Variants in ARHGEF4 observed in about 807,000 individuals in gnomAD.
ARHGEF4 encodes the protein Rho guanine nucleotide exchange factor 4, also known as APC-stimulated guanine nucleotide exchange factor 1.
Under a neutral mutation model 162.0 loss-of-function variants are expected in ARHGEF4, and 119 were observed. The ratio of observed to expected loss-of-function variants is 0.73; its 90% CI spans 0.63 to 0.86. The LOEUF is 0.86. Ranked by LOEUF, ARHGEF4 falls within the 40% of genes least tolerant of loss-of-function variation. The pLI is 0.00. For missense variants in ARHGEF4, 2,488 were observed against 2,456.0 expected (o/e 1.01, Z -0.28); for synonymous variants, 1,014 against 979.9 (o/e 1.03, Z -0.65).
intron 1 of ARHGEF4, among the ~76,000 whole-genome samples, chr2:130,913,752 G>C (rs1361800788): frequency 3.9e-5 from 6 of 152,186 alleles, no homozygotes; most frequent in African/African-American, 1.4e-4. Flanking sequence ...TTTTAATGGG[G>C]TTGTTTTAAG....
intron 2 of ARHGEF4, among the ~76,000 whole-genome samples, chr2:130,928,109 G>A (rs1006141329): frequency 6.6e-6 from 1 of 152,096 alleles, no homozygotes; most frequent in African/African-American, 2.4e-5. Flanking sequence ...ATCTTTGGGT[G>A]AATTTCATAT....
chr2:130,897,957 G>A (rs556857152), intron 1 of ARHGEF4, among the ~76,000 whole-genome samples: 1 of 152,274 alleles, frequency 6.6e-6, no homozygotes, highest in African/African-American at 2.4e-5. Flanking sequence ...TGCTTTTTAG[G>A]TTTAAGCAAC....
Position 131,012,335 on chromosome 2 carries a change from G to A in ARHGEF4, c.3986-15610G>A, listed in dbSNP as rs572804857. ...GCCTAGGAGGCACTTAGAGTGGCAC[G>A]GGGCAGGTGTCACTTCTTTGCCTAG... On this transcript the variant is annotated intron_variant, in intron 4 of 13. Coordinates refer to ENST00000409359, the MANE Select transcript of ARHGEF4 (RefSeq NM_001367493.1). Among the ~76,000 whole-genome samples the A allele has an allele frequency of 9.2e-5, 14 of 152,240 alleles. No individual in the cohort carries two copies. In the East Asian group the frequency reaches 1.7e-3, roughly 19 times the overall value.
intron 2 of ARHGEF4, among the ~76,000 whole-genome samples, chr2:130,922,622 C>T (rs1476783795): frequency 6.6e-6 from 1 of 152,178 alleles, no homozygotes; most frequent in Non-Finnish European, 1.5e-5. Flanking sequence ...CATTTTATGA[C>T]TCCTCAGAGT....
chr2:131,041,093 C>G (rs1281075760), intron 8 of ARHGEF4, 137 bp from the exon 9 acceptor site: 6 of 723,812 alleles, frequency 8.3e-6, no homozygotes, highest in Non-Finnish European at 1.4e-5. Flanking sequence ...GAAATAGGTA[C>G]ACACAGCCTG....
At chr2:130,955,767 G>T (rs1179245662) in intron 4 of ARHGEF4, among the ~76,000 whole-genome samples, 1 of 152,174 alleles carries the variant, frequency 6.6e-6, no homozygotes, top group East Asian at 1.9e-4. Context: ...TCCTAGAAGG[G>T]CTCCTCCCAG....
Position 130,914,078 on chromosome 2 carries a change from G to A in ARHGEF4, c.132G>A (p.Trp44Ter). 3 of 1,536,142 alleles carry A rather than the reference G, an allele frequency of 2.0e-6. No homozygotes were observed. Among genetic ancestry groups the A allele is most frequent in the Non-Finnish European group, 2.6e-6 (3 of 1,146,912 alleles). Residue 44 changes from tryptophan to a stop codon, truncating the protein, a stop_gained, in exon 2 of 14, where the codon TGG becomes TGA. Transcript: ENST00000409359. LOFTEE classifies it high-confidence loss of function. Reference sequence around the variant, plus strand: ...CTGCAGAACAAGTGGAGCAGGGATGGAACCAGCAAACAGACCGCGATGATT... The same window carrying A: ...CTGCAGAACAAGTGGAGCAGGGATGAAACCAGCAAACAGACCGCGATGATT... ...TSPAEQVEQG[W>*]NQQTDRDDSE...
intron 2 of ARHGEF4, among the ~76,000 whole-genome samples, chr2:130,920,538 CT>C (rs201060501): frequency 0.037 from 5,580 of 152,252 alleles, 120 homozygotes; most frequent in Middle Eastern, 0.078. Flanking sequence ...GGAAGCAAAG[CT>C]CAGAAAGGTT....
chr2:130,913,114 T>G (rs1204908231), intron 1 of ARHGEF4, among the ~76,000 whole-genome samples: 2 of 152,094 alleles, frequency 1.3e-5, no homozygotes, highest in African/African-American at 2.4e-5. Context: ...ATATCCCCTG[T>G]GGATAAGGGT....
At chr2:130,890,707 C>A (rs141941447) in intron 1 of ARHGEF4, among the ~76,000 whole-genome samples, 1 of 152,050 alleles carries the variant, frequency 6.6e-6, no homozygotes, top group Non-Finnish European at 1.5e-5. Context: ...AGCCTTTTAT[C>A]GGAGTTTAAA....
chr2:131,006,274 T>A (rs1688108001), intron 4 of ARHGEF4, among the ~76,000 whole-genome samples: 1 of 152,148 alleles, frequency 6.6e-6, no homozygotes, highest in Admixed American at 6.5e-5. Context: ...TAATTTAGGC[T>A]CTCTGTGACT....
At chr2:131,013,637 G>T (rs1688609813) in intron 4 of ARHGEF4, among the ~76,000 whole-genome samples, 2 of 152,164 alleles carry the variant, frequency 1.3e-5, no homozygotes, top group African/African-American at 4.8e-5. Context: ...GTCTTGCTCT[G>T]TTGCCCAGAC....
intron 4 of ARHGEF4, among the ~76,000 whole-genome samples, chr2:130,985,950 G>A (rs1686459501): frequency 1.4e-5 from 2 of 144,472 alleles, no homozygotes; most frequent in Admixed American, 6.9e-5. Flanking sequence ...GTTGAGTGTT[G>A]TGTGTGTGTG....
At chr2:130,983,490 A>G (rs1328784123) in intron 4 of ARHGEF4, among the ~76,000 whole-genome samples, 1 of 152,210 alleles carries the variant, frequency 6.6e-6, no homozygotes, top group Non-Finnish European at 1.5e-5. Context: ...CCAGACAAAA[A>G]TATATGCTGA....
Position 130,914,909 on chromosome 2 carries a change from G to A in ARHGEF4, c.963G>A (p.Arg321=), listed in dbSNP as rs1407741655. 3 of 1,520,532 alleles carry A rather than the reference G, an allele frequency of 2.0e-6. No individual in the cohort carries two copies. The highest frequency in any genetic ancestry group is 2.8e-5 in the African/African-American group (2 of 72,362). The allele number at this position is 1,520,532 out of a possible 1,614,324, so 94.2% of individuals were successfully genotyped here. ...SAPETTGDKN[R]ASPRLNCGHM... is the part of the protein sequence containing the mutation. ...CAGAAACTACTGGTGACAAGAACAG[G>A]GCATCCCCCAGACTCAACTGTGGGC... The change falls in exon 2 of 14, where the codon AGG becomes AGA. Residue 321 remains arginine (R), a synonymous_variant. Transcript: ENST00000409359.
At position 130,916,789 on chromosome 2, in the gene ARHGEF4, G is replaced by C. The variant is rs1296923420; in HGVS notation, c.2843G>C (p.Arg948Pro). 6.4e-7 allele frequency: 1 copy of C among 1,550,476 alleles called. No individual in the cohort carries two copies. Among genetic ancestry groups the C allele is most frequent in the African/African-American group, 1.4e-5 (1 of 73,134 alleles). Residue 948 changes from arginine to proline, a missense_variant, in exon 2 of 14, where the codon CGC (arginine) becomes CCC (proline). Arg to Pro is a moderately radical substitution (Grantham distance 103, BLOSUM62 -2). Coordinates refer to ENST00000409359, the MANE Select transcript of ARHGEF4 (RefSeq NM_001367493.1). ...GGCGAGAAGGAGAAGAGCAGGCTGC[G>C]CCAGGGTTCCTGGCGGGCGTTTCTG... is the stretch of plus-strand genomic sequence containing the variant. ...PKGEKEKSRL[R>P]QGSWRAFLKS...
rs1219581227 is a variant in ARHGEF4, at chr2:130,875,626, G to T, written c.40-38360G>T. 3.9e-5 allele frequency among the ~76,000 whole-genome samples: 6 copies of T among 152,170 alleles called. No individual in the cohort carries two copies. In the South Asian group the frequency reaches 1.2e-3, roughly 31 times the overall value. On this transcript the variant is annotated intron_variant, in intron 1 of 13. Transcript: ENST00000409359. Reference sequence around the variant, plus strand: ...GGAGAATTAACCTAGTCCCTCTAGAGCAGCATTAATCCCCCCGATGATCAA... The same window carrying T: ...GGAGAATTAACCTAGTCCCTCTAGATCAGCATTAATCCCCCCGATGATCAA...
In ARHGEF4 at chr2:130,915,965, C is replaced by T; in HGVS notation, c.2019C>T (p.Thr673=). 1 of 1,550,540 alleles carries T rather than the reference C, an allele frequency of 6.4e-7. No individual in the cohort carries two copies. The highest frequency in any genetic ancestry group is 8.7e-7 in the Non-Finnish European group (1 of 1,146,982). ...AATCTCCCTTGAGCACTGGCGAGAC[C>T]CCCTGTGAGTCTCCCACTAGGGGGA... ...RPESPLSTGE[T]PCESPTRGKT... is the part of the protein sequence containing the mutation. Residue 673 remains threonine (T), a synonymous_variant, in exon 2 of 14, where the codon ACC becomes ACT. Coordinates refer to ENST00000409359, the MANE Select transcript of ARHGEF4 (RefSeq NM_001367493.1).
Position 131,004,687 on chromosome 2 carries a change from T to A in ARHGEF4, c.3986-23258T>A, listed in dbSNP as rs143274783. Among the ~76,000 whole-genome samples, 22 of 151,984 alleles carry A rather than the reference T, an allele frequency of 1.4e-4. No homozygotes were observed. The East Asian group carries it at 4.3e-3, about 30-fold the overall frequency. ...CTCTTTCTAGGGTGTGGTGTCTCTG[T>A]CCCACCCCGGCCTCACAGAACTCAG... On this transcript the variant is annotated intron_variant, in intron 4 of 13. Coordinates refer to ENST00000409359, the MANE Select transcript of ARHGEF4 (RefSeq NM_001367493.1).
Sources: allele counts gnomAD v4.1 joint callset (sites outside exome capture counted in the v4.1 genomes callset), GRCh38; gene constraint gnomAD v4.1.1; transcripts MANE v1.5; gene names NCBI Gene and HGNC (gene_info 2026-07-23, HGNC 2026-07-21).